MTMR1: variants seen among roughly 807,000 people sequenced by gnomAD.
MTMR1 encodes the protein myotubularin related protein 1, also known as phosphatidylinositol-3-phosphate phosphatase MTMR1.
MTMR1 carries 17 observed loss-of-function variants against 51.6 expected under a neutral mutation model. The ratio of observed to expected loss-of-function variants is 0.33; its 90% CI spans 0.23 to 0.49. The LOEUF (loss-of-function observed/expected upper bound fraction) is 0.49, where lower values mean the gene tolerates loss of function less well. Ranked by LOEUF, MTMR1 falls within the 20% of genes least tolerant of loss-of-function variation. The pLI is 0.99. For synonymous variants in MTMR1, 201 were observed against 205.6 expected (o/e 0.98, Z 0.19); for missense variants, 386 against 526.9 (o/e 0.73, Z 2.62).
rs1557418153 is a variant in MTMR1 at position 150,763,127 on chromosome X, C to T, written c.*398C>T. ...CTCTTGGCCACAACTTGAAAACTGT[C>T]TTGAATGAAGTACTTGGGGAGAAGA... On this transcript the variant is annotated 3_prime_UTR_variant, in exon 16 of 16. Transcript: ENST00000445323. 1 of 130,178 alleles carries T rather than the reference C, an allele frequency of 7.7e-6. No homozygotes were observed. Among genetic ancestry groups the T allele is most frequent in the Non-Finnish European group, 1.5e-5 (1 of 64,627 alleles). 10.7% of individuals were successfully genotyped at this position (130,178 alleles called of 1,213,427 possible).
At chrX:150,729,890 G>T (rs1031534586) in intron 6 of MTMR1, among the ~76,000 whole-genome samples, 14 of 111,388 alleles carry the variant, frequency 1.3e-4, no homozygotes, top group Non-Finnish European at 2.6e-4. Flanking sequence ...GTGGTGGTGG[G>T]TGCCTGTAAT....
chrX:150,723,753 C>T (rs1196083435), intron 4 of MTMR1, among the ~76,000 whole-genome samples: 2 of 111,652 alleles, frequency 1.8e-5, no homozygotes, highest in African/African-American at 6.5e-5. Flanking sequence ...AAGTAGGCCC[C>T]AATGTCTGTT....
At chrX:150,693,243 T>A (rs2040536820), upstream of MTMR1, 1 of 123,203 alleles carries the variant, frequency 8.1e-6, no homozygotes, top group African/African-American at 3.2e-5. Context: ...AGGTCCCAGA[T>A]CCCCGCTGTA....
At chrX:150,714,985 T>C (rs909840162) in intron 3 of MTMR1, among the ~76,000 whole-genome samples, 19 of 111,818 alleles carry the variant, frequency 1.7e-4, no homozygotes, top group Admixed American at 1.3e-3. Context: ...ATTCATAGAG[T>C]ATTCTTGAGT....
intron 3 of MTMR1, among the ~76,000 whole-genome samples, chrX:150,714,321 G>A (rs1287924940): frequency 8.9e-6 from 1 of 111,997 alleles, no homozygotes; most frequent in African/African-American, 3.2e-5. Context: ...ACTCCAAGGG[G>A]GAAAATGTTG....
At chrX:150,731,441 C>T in intron 8 of MTMR1, 29 bp from the exon 9 acceptor site, 1 of 1,136,803 alleles carries the variant, frequency 8.8e-7, no homozygotes, top group Non-Finnish European at 1.2e-6. Context: ...TGCATTTCAC[C>T]CTCTTCTTCT....
intron 4 of MTMR1, among the ~76,000 whole-genome samples, chrX:150,725,560 T>C (rs1400902614): frequency 8.9e-6 from 1 of 112,083 alleles, no homozygotes; most frequent in Non-Finnish European, 1.9e-5. Context: ...GTTATGTAAC[T>C]AGTTATTTTA....
chrX:150,748,733 G>A (rs1401561329), intron 13 of MTMR1, among the ~76,000 whole-genome samples: 3 of 110,844 alleles, frequency 2.7e-5, no homozygotes, highest in African/African-American at 9.9e-5. Context: ...GCAGGCTGAA[G>A]TGGGAGGGAT....
At chrX:150,759,720 C>T (rs1236047637) in intron 15 of MTMR1, among the ~76,000 whole-genome samples, 4 of 109,807 alleles carry the variant, frequency 3.6e-5, no homozygotes, top group East Asian at 2.8e-4. Context: ...CTCATGTAGG[C>T]GAAGCCACCT....
intron 2 of MTMR1, 112 bp from the exon 3 acceptor site, chrX:150,712,230 A>T: frequency 3.1e-6 from 2 of 644,590 alleles, no homozygotes; most frequent in Non-Finnish European, 4.8e-6. Context: ...TGTTGGTTTT[A>T]CTTAGAGGAT....
chrX:150,749,855 C>T (rs782339823), intron 13 of MTMR1, among the ~76,000 whole-genome samples: 62 of 111,878 alleles, frequency 5.5e-4, no homozygotes, highest in Non-Finnish European at 9.0e-4. Context: ...AGAAGTCAGG[C>T]GTGCTGTAAT....
At chrX:150,751,328 C>A in intron 14 of MTMR1, 2 of 548,789 alleles carry the variant, frequency 3.6e-6, no homozygotes, top group African/African-American at 2.5e-5. Context: ...TTCTTTTTCC[C>A]TCAGTGTGGG....
chrX:150,724,742 C>A (rs1770394649), intron 4 of MTMR1, among the ~76,000 whole-genome samples: 1 of 112,118 alleles, frequency 8.9e-6, no homozygotes. Context: ...GGTCTCTAAT[C>A]CATCTTGAAT....
intron 12 of MTMR1, among the ~76,000 whole-genome samples, 194 bp from the exon 13 acceptor site, chrX:150,744,167 A>G (rs2042512914): frequency 1.8e-5 from 2 of 112,381 alleles, no homozygotes; most frequent in Non-Finnish European, 3.8e-5. Flanking sequence ...ATGTAAAAAT[A>G]CTGTAAACTG....
At chrX:150,700,879 CATTGCATG>C (rs1476356057) in intron 2 of MTMR1, among the ~76,000 whole-genome samples, 5 of 112,747 alleles carry the variant, frequency 4.4e-5, no homozygotes, top group Middle Eastern at 4.6e-3. Flanking sequence ...AGCTTTCTAA[CATTGCATG>C]AATAGATCAG....
intron 10 of MTMR1, chrX:150,735,550 T>C: frequency 4.2e-6 from 2 of 470,763 alleles, no homozygotes; most frequent in Non-Finnish European, 7.5e-6. Context: ...CATCATCTCT[T>C]ACCTCACCTA....
chrX:150,759,508 C>T (rs2043021015), intron 15 of MTMR1, among the ~76,000 whole-genome samples: 2 of 108,912 alleles, frequency 1.8e-5, no homozygotes, highest in Non-Finnish European at 3.9e-5. Context: ...GCAGGAGACC[C>T]CCGTACCCCT....
At chrX:150,755,479 A>G (rs1557417717) in intron 14 of MTMR1, among the ~76,000 whole-genome samples, 1 of 111,766 alleles carries the variant, frequency 8.9e-6, no homozygotes, top group Non-Finnish European at 1.9e-5. Flanking sequence ...CTTCAGCAAT[A>G]TGTTTTTCCA....
chrX:150,699,646 C>T (rs1557415866), intron 2 of MTMR1, among the ~76,000 whole-genome samples: 1 of 112,443 alleles, frequency 8.9e-6, no homozygotes, highest in Non-Finnish European at 1.9e-5. Flanking sequence ...CCTAACTTCA[C>T]AATTTTTTAA....
Sources: gnomAD v4.1 joint callset for allele counts (sites outside exome capture counted in the v4.1 genomes callset) on GRCh38, gnomAD v4.1.1 for gene constraint, MANE v1.5 for transcripts, NCBI Gene and HGNC (gene_info 2026-07-23, HGNC 2026-07-21) for gene names.